Variants in SPIRE1 observed in about 807,000 individuals in gnomAD.
SPIRE1 encodes the protein spire type actin nucleation factor 1, also known as protein spire homolog 1.
A neutral mutation model predicts 94.1 loss-of-function variants in SPIRE1; 40 were observed. The ratio of observed to expected loss-of-function variants is 0.43; its 90% confidence interval spans 0.33 to 0.55. SPIRE1 has a LOEUF of 0.55. Ranked by LOEUF, SPIRE1 falls within the 20% of genes least tolerant of loss-of-function variation. The probability of loss-of-function intolerance (pLI) is 0.06; values close to 1 mark genes in which losing one functional copy is unlikely to be tolerated. For missense variants in SPIRE1, 838 were observed against 975.2 expected, an observed-to-expected ratio of 0.86 and a Z score of 1.87; for synonymous variants, 376 against 371.7, an observed-to-expected ratio of 1.01 and a Z score of -0.13.
At chr18:12,610,702 C>T (rs1160102736) in intron 2 of SPIRE1, among the ~76,000 whole-genome samples, 1 of 152,108 alleles carries the variant, frequency 6.6e-6, no homozygotes, top group Admixed American at 6.5e-5. Context: ...ATGCTCCCCC[C>T]AAAACCACGC....
chr18:12,478,624 C>T (rs1051284415), intron 10 of SPIRE1, among the ~76,000 whole-genome samples: 18 of 150,960 alleles, frequency 1.2e-4, no homozygotes, highest in Admixed American at 6.6e-4. Flanking sequence ...TGTGTGCGCG[C>T]GCATGCGTAT....
At chr18:12,650,911 T>C (rs1043465163) in intron 1 of SPIRE1, among the ~76,000 whole-genome samples, 1 of 150,910 alleles carries the variant, frequency 6.6e-6, no homozygotes, top group Non-Finnish European at 1.5e-5. Context: ...AGCAATCTTA[T>C]CCAATTACAG....
At chr18:12,617,524 C>A (rs539453464) in intron 2 of SPIRE1, among the ~76,000 whole-genome samples, 1 of 152,100 alleles carries the variant, frequency 6.6e-6, no homozygotes, top group Non-Finnish European at 1.5e-5. Context: ...GATTCTCCTG[C>A]CTCAGCCTCC....
At chr18:12,479,166 TTTTC>T (rs2032745235) in intron 10 of SPIRE1, among the ~76,000 whole-genome samples, 3 of 148,328 alleles carry the variant, frequency 2.0e-5, no homozygotes, top group Non-Finnish European at 3.0e-5. Context: ...TGTATTTTTT[TTTTC>T]TTTTTCTTTT....
At chr18:12,658,351 C>A, upstream of SPIRE1, 1 of 420,534 alleles carries the variant, frequency 2.4e-6, no homozygotes, top group Non-Finnish European at 4.7e-6. Flanking sequence ...ATGGTGAGGG[C>A]GGCGACGCAC....
chr18:12,576,513 C>T (rs7234697), intron 2 of SPIRE1, among the ~76,000 whole-genome samples: 70,125 of 139,240 alleles, frequency 0.5, 17,410 homozygotes, highest in Middle Eastern at 0.66. Context: ...ACCCAGAAGG[C>T]GGAGGTTGAG....
intron 4 of SPIRE1, among the ~76,000 whole-genome samples, chr18:12,529,098 A>G (rs559629202): frequency 3.9e-5 from 6 of 152,358 alleles, no homozygotes; most frequent in Admixed American, 3.3e-4. Flanking sequence ...GGCTGGGCAC[A>G]GTGGCTCACG....
At chr18:12,468,278 C>T (rs1211849325) in intron 10 of SPIRE1, among the ~76,000 whole-genome samples, 1 of 152,130 alleles carries the variant, frequency 6.6e-6, no homozygotes, top group Admixed American at 6.5e-5. Context: ...GAGGTGGAGC[C>T]GGAGCACACT....
At chr18:12,579,058 TA>T (rs376763513) in intron 2 of SPIRE1, among the ~76,000 whole-genome samples, 4 of 151,732 alleles carry the variant, frequency 2.6e-5, no homozygotes, top group South Asian at 2.1e-4. Flanking sequence ...AATTTTTTTT[TA>T]AAAAAAGTTA....
At chr18:12,533,932 T>TACACAC (rs10658152) in intron 4 of SPIRE1, among the ~76,000 whole-genome samples, 6,794 of 144,450 alleles carry the variant, frequency 0.047, 202 homozygotes, top group Middle Eastern at 0.08. Flanking sequence ...GCTAATCCAT[T>TACACAC]ACACACACAC....
chr18:12,642,144 T>C (rs536678111), intron 1 of SPIRE1, among the ~76,000 whole-genome samples: 2 of 152,184 alleles, frequency 1.3e-5, no homozygotes, highest in Non-Finnish European at 2.9e-5. Context: ...ATTTTAAATA[T>C]CTCTCATGGA....
chr18:12,472,521 C>G (rs2032401993), intron 10 of SPIRE1, among the ~76,000 whole-genome samples: 2 of 151,786 alleles, frequency 1.3e-5, no homozygotes, highest in African/African-American at 4.8e-5. Context: ...GGATATGCCA[C>G]CATGCCAGAC....
chr18:12,624,821 G>A (rs2037574965), intron 2 of SPIRE1, among the ~76,000 whole-genome samples: 1 of 124,354 alleles, frequency 8.0e-6, no homozygotes, highest in Non-Finnish European at 1.7e-5. Context: ...GACAGAGTGA[G>A]ACTCCATCTC....
intron 4 of SPIRE1, among the ~76,000 whole-genome samples, chr18:12,523,921 G>A (rs1169009772): frequency 1.3e-5 from 2 of 152,072 alleles, no homozygotes; most frequent in African/African-American, 4.8e-5. Flanking sequence ...AAACTCCTAG[G>A]AAGAAAGTAT....
At chr18:12,568,371 C>T (rs979168492) in intron 2 of SPIRE1, among the ~76,000 whole-genome samples, 3 of 152,160 alleles carry the variant, frequency 2.0e-5, no homozygotes, top group Non-Finnish European at 2.9e-5. Flanking sequence ...TTTATATGCT[C>T]TACACTTTCT....
intron 2 of SPIRE1, among the ~76,000 whole-genome samples, chr18:12,557,587 C>G (rs181085850): frequency 6.6e-6 from 1 of 152,274 alleles, no homozygotes; most frequent in Non-Finnish European, 1.5e-5. Flanking sequence ...CAGAGAGGGG[C>G]TCCCACAGTG....
chr18:12,533,130 C>T (rs969087479), intron 4 of SPIRE1, among the ~76,000 whole-genome samples: 4 of 152,064 alleles, frequency 2.6e-5, no homozygotes, highest in East Asian at 1.9e-4. Context: ...TGGAGATCAA[C>T]GGAGTAGAAA....
chr18:12,603,902 C>T (rs1290129359), intron 2 of SPIRE1, among the ~76,000 whole-genome samples: 3 of 152,096 alleles, frequency 2.0e-5, no homozygotes, highest in Non-Finnish European at 2.9e-5. Flanking sequence ...TTTATGCAGT[C>T]ATTCCAACAT....
chr18:12,640,480 T>G (rs2038054680), intron 1 of SPIRE1, among the ~76,000 whole-genome samples: 1 of 152,208 alleles, frequency 6.6e-6, no homozygotes, highest in Non-Finnish European at 1.5e-5. Flanking sequence ...TCATAAGCAC[T>G]GATGACACAC....
Sources: allele counts gnomAD v4.1 joint callset (sites outside exome capture counted in the v4.1 genomes callset), GRCh38; gene constraint gnomAD v4.1.1; transcripts MANE v1.5; gene names NCBI Gene and HGNC (gene_info 2026-07-23, HGNC 2026-07-21).